Variants in RELCH observed in about 807,000 individuals in gnomAD.
RELCH encodes RAB11 binding and LisH domain, coiled-coil and HEAT repeat containing.
RELCH carries 41 observed loss-of-function variants against 150.3 expected under a neutral mutation model. The observed-to-expected ratio is 0.27, with a 90% confidence interval of 0.21 to 0.35. RELCH has a LOEUF of 0.35. Among genes scored for constraint, RELCH ranks in the 10% least tolerant of loss-of-function variants. The probability of loss-of-function intolerance (pLI) is 1.00; values close to 1 mark genes in which losing one functional copy is unlikely to be tolerated. For synonymous variants in RELCH, 478 were observed against 531.8 expected (o/e 0.90, Z 1.39); for missense variants, 1,092 against 1,467.8 (o/e 0.74, Z 4.18).
At chr18:62,252,904 T>C (rs2042797109) in intron 12 of RELCH, 150 bp downstream of exon 12, 2 of 633,562 alleles carry the variant, frequency 3.2e-6, no homozygotes, top group Admixed American at 5.7e-5. Context: ...TATTAGTACT[T>C]ACGAATGCTC....
At chr18:62,201,269 G>A (rs1233724826) in intron 1 of RELCH, among the ~76,000 whole-genome samples, 5 of 151,734 alleles carry the variant, frequency 3.3e-5, no homozygotes, top group African/African-American at 1.2e-4. Flanking sequence ...CACCGCCCCC[G>A]GCCCTTGAAT....
intron 21 of RELCH, 79 bp from the exon 22 acceptor site, chr18:62,275,295 A>G (rs2044138008): frequency 1.5e-6 from 1 of 645,376 alleles, no homozygotes; most frequent in Admixed American, 3.0e-5. Context: ...AATATTCCTT[A>G]TAAATATCGT....
chr18:62,199,440 T>A (rs1265249525), intron 1 of RELCH, among the ~76,000 whole-genome samples: 1 of 152,222 alleles, frequency 6.6e-6, no homozygotes, highest in East Asian at 1.9e-4. Flanking sequence ...CATAAATGCC[T>A]AAGGTAGACA....
At chr18:62,292,804 G>A (rs1447289630) in intron 27 of RELCH, among the ~76,000 whole-genome samples, 1 of 152,088 alleles carries the variant, frequency 6.6e-6, no homozygotes, top group Non-Finnish European at 1.5e-5. Flanking sequence ...GTGCCACCCT[G>A]TTAGTTGAAT....
At position 62,306,599 on chromosome 18, in the gene RELCH, A is replaced by C. The variant is rs539438822; in HGVS notation, c.*1065A>C. ...AGTTATCACCTCGTCCCTTAAAGTC[A>C]GTGACCTCCTGTGTTTGATGTATAT... On this transcript the variant is annotated 3_prime_UTR_variant, in exon 29 of 29. Transcript: ENST00000644646. 1.1e-4 allele frequency: 17 copies of C among 152,712 alleles called. No homozygotes were observed. Among genetic ancestry groups the C allele is most frequent in the African/African-American group, 3.4e-4 (14 of 41,554 alleles). 9.5% of individuals were successfully genotyped at this position (152,712 alleles called of 1,614,324 possible). A position where few individuals can be genotyped will look rare whatever the true frequency, so the allele number is the denominator to read the frequency against.
In RELCH at chr18:62,187,730, G is replaced by C; in HGVS notation, c.225G>C (p.Ala75=). 6.2e-7 allele frequency: 1 copy of C among 1,609,040 alleles called. No individual in the cohort carries two copies. The highest frequency in any genetic ancestry group is 8.5e-7 in the Non-Finnish European group (1 of 1,176,630). ...SSARPGLPGE[A]SAAAVALGGT... ...CGCGGCCAGGGCTCCCTGGGGAGGC[G>C]TCGGCGGCTGCAGTGGCCCTGGGGG... is the stretch of plus-strand genomic sequence containing the variant. The change falls in exon 1 of 29, where the codon GCG becomes GCC. Residue 75 remains alanine (A), a synonymous_variant. Transcript: ENST00000644646.
At chr18:62,223,773 A>G (rs2041030072) in intron 5 of RELCH, among the ~76,000 whole-genome samples, 1 of 152,186 alleles carries the variant, frequency 6.6e-6, no homozygotes, top group African/African-American at 2.4e-5. Flanking sequence ...TTGAGTTCAT[A>G]TCCAAAAATC....
chr18:62,242,206 G>A (rs1314502338), intron 10 of RELCH, among the ~76,000 whole-genome samples: 13 of 152,120 alleles, frequency 8.5e-5, no homozygotes, highest in Non-Finnish European at 1.2e-4. Context: ...TATTGGCAGT[G>A]ACTTCCCATA....
At chr18:62,244,921 C>A in intron 11 of RELCH, 45 bp downstream of exon 11, 1 of 1,214,132 alleles carries the variant, frequency 8.2e-7, no homozygotes, top group Non-Finnish European at 1.2e-6. Flanking sequence ...ATGTGACTTA[C>A]TGATTTTAAC....
At chr18:62,189,885 C>T (rs2038493857) in intron 1 of RELCH, among the ~76,000 whole-genome samples, 2 of 152,140 alleles carry the variant, frequency 1.3e-5, no homozygotes, top group Non-Finnish European at 2.9e-5. Flanking sequence ...TATTCATGTG[C>T]ACCTGTGCTT....
chr18:62,277,149 T>G (rs764871313), intron 22 of RELCH, among the ~76,000 whole-genome samples: 5 of 152,046 alleles, frequency 3.3e-5, no homozygotes, highest in Non-Finnish European at 5.9e-5. Flanking sequence ...AATCCTCCCT[T>G]TTCACTTGTT....
At position 62,273,091 on chromosome 18, in the gene RELCH, T is replaced by C. The variant is rs73462461; in HGVS notation, c.2761-889T>C. Among the ~76,000 whole-genome samples the C allele has an allele frequency of 8.2e-3, 1,242 of 152,124 alleles. 18 individuals carry two copies. Among genetic ancestry groups the C allele is most frequent in the East Asian group, 0.052 (267 of 5,182 alleles). On this transcript the variant is annotated intron_variant, in intron 20 of 28. Transcript: ENST00000644646. ...GTCTTCCTCATGATCTATTGATACATTCAGAAGCTATTTACTGTTGACCTT... is the reference window on the plus strand; with the variant it reads ...GTCTTCCTCATGATCTATTGATACACTCAGAAGCTATTTACTGTTGACCTT...
rs148603394 is a variant in RELCH at position 62,281,117 on chromosome 18, A to G, written c.3114+408A>G. Among the ~76,000 whole-genome samples the G allele has an allele frequency of 3.9e-5, 6 of 152,298 alleles. No individual in the cohort carries two copies. The East Asian group carries it at 1.2e-3, about 29-fold the overall frequency. ...AACAAAACAAAACAGAACAACAACA[A>G]AATAAGGTGTATTGGACAAGCTTGC... On this transcript the variant is annotated intron_variant, in intron 24 of 28. Transcript: ENST00000644646.
intron 19 of RELCH, 66 bp downstream of exon 19, chr18:62,266,815 C>T (rs1161910016): frequency 1.1e-6 from 1 of 920,672 alleles, no homozygotes; most frequent in African/African-American, 1.7e-5. Flanking sequence ...ATACTATATT[C>T]TCCATATATG....
chr18:62,255,382 GATTT>G, intron 12 of RELCH, 21 bp from the exon 13 acceptor site: 1 of 1,533,054 alleles, frequency 6.5e-7, no homozygotes, highest in South Asian at 1.1e-5. Flanking sequence ...GTTTATGCTT[GATTT>G]ATTTATTTTT....
At chr18:62,221,568 T>TA in intron 5 of RELCH, 71 bp downstream of exon 5, 15 of 640,920 alleles carry the variant, frequency 2.3e-5, no homozygotes, top group Admixed American at 3.6e-5. Flanking sequence ...TTACGTAGTT[T>TA]CTTTTTTTTT....
rs911714465 is a variant in RELCH, at chr18:62,309,531, C to T, written c.*3997C>T. On this transcript the variant is annotated 3_prime_UTR_variant, in exon 29 of 29. Coordinates refer to ENST00000644646, the MANE Select transcript of RELCH (RefSeq NM_001346231.2). ...AACATCCTATTCTCTGTTAAGACCACACCAATCATAAAGTACATAACAGTT... is the reference window on the plus strand; with the variant it reads ...AACATCCTATTCTCTGTTAAGACCATACCAATCATAAAGTACATAACAGTT... 3.9e-4 allele frequency: 60 copies of T among 152,134 alleles called. No homozygotes were observed. The highest frequency in any genetic ancestry group is 1.4e-3 in the African/African-American group (57 of 41,420). 9.4% of individuals were successfully genotyped at this position (152,134 alleles called of 1,614,324 possible). A position where few individuals can be genotyped will look rare whatever the true frequency, so the allele number is the denominator to read the frequency against.
chr18:62,285,880 GAATT>G (rs1435592984), intron 25 of RELCH: 4 of 152,320 alleles, frequency 2.6e-5, no homozygotes, highest in African/African-American at 9.6e-5. Flanking sequence ...ACTGTTAAGT[GAATT>G]AATTAATACA....
At chr18:62,201,780 C>T (rs2039465181) in intron 1 of RELCH, among the ~76,000 whole-genome samples, 1 of 152,048 alleles carries the variant, frequency 6.6e-6, no homozygotes, top group East Asian at 1.9e-4. Flanking sequence ...TGTCAGTGAC[C>T]TAGTTCACAG....
Sources: allele counts gnomAD v4.1 joint callset (sites outside exome capture counted in the v4.1 genomes callset), GRCh38; gene constraint gnomAD v4.1.1; transcripts MANE v1.5; gene names NCBI Gene and HGNC (gene_info 2026-07-23, HGNC 2026-07-21).